FHIT: variants seen among roughly 807,000 people sequenced by gnomAD.
FHIT encodes bis(5'-adenosyl)-triphosphatase.
A neutral mutation model predicts 17.9 loss-of-function variants in FHIT; 19 were observed. The ratio of observed to expected loss-of-function variants is 1.06; its 90% confidence interval spans 0.74 to 1.56. FHIT has a LOEUF of 1.56. Among genes scored for constraint, FHIT ranks in the 40% most tolerant of loss-of-function variants. The probability of loss-of-function intolerance (pLI) is 0.00; values close to 1 mark genes in which losing one functional copy is unlikely to be tolerated. For synonymous variants in FHIT, 81 were observed against 69.7 expected, an observed-to-expected ratio of 1.16 and a Z score of -0.81; for missense variants, 248 against 189.2, an observed-to-expected ratio of 1.31 and a Z score of -1.82.
At chr3:61,068,097 C>T (rs2034674607) in intron 2 of FHIT, among the ~76,000 whole-genome samples, 1 of 152,038 alleles carries the variant, frequency 6.6e-6, no homozygotes, top group South Asian at 2.1e-4. Context: ...AGTAATTTAC[C>T]AGGTGTATTA....
chr3:60,209,251 A>G (rs213324), intron 5 of FHIT, among the ~76,000 whole-genome samples: 31,818 of 152,098 alleles, frequency 0.21, 3,681 homozygotes, highest in Middle Eastern at 0.28. Context: ...TTAGTTTAGT[A>G]TAAAGCCACA....
chr3:60,868,505 C>T (rs74999210), intron 3 of FHIT, among the ~76,000 whole-genome samples: 3 of 152,078 alleles, frequency 2.0e-5, no homozygotes, highest in Non-Finnish European at 4.4e-5. Context: ...TTTGAAACAA[C>T]CAATAAGAAT....
intron 4 of FHIT, among the ~76,000 whole-genome samples, chr3:60,786,862 A>T (rs530972449): frequency 1.3e-5 from 2 of 152,254 alleles, no homozygotes; most frequent in East Asian, 3.9e-4. Flanking sequence ...TCCATATATG[A>T]CTAAATCTGA....
chr3:60,101,775 A>T (rs1704201074), intron 5 of FHIT, among the ~76,000 whole-genome samples: 2 of 152,142 alleles, frequency 1.3e-5, no homozygotes, highest in South Asian at 4.1e-4. Flanking sequence ...AAGGTCTGTC[A>T]TTACCTGGGC....
chr3:60,799,951 C>T (rs961682227), intron 4 of FHIT, among the ~76,000 whole-genome samples: 10 of 152,120 alleles, frequency 6.6e-5, no homozygotes, highest in Non-Finnish European at 1.5e-4. Context: ...CATACATACT[C>T]AAAAGATAGT....
At chr3:60,656,568 A>G (rs2040121049) in intron 4 of FHIT, among the ~76,000 whole-genome samples, 1 of 152,230 alleles carries the variant, frequency 6.6e-6, no homozygotes, top group East Asian at 1.9e-4. Flanking sequence ...CAAACTTGTC[A>G]AGCGCTCAAT....
chr3:60,602,411 G>A (rs955321969), intron 4 of FHIT, among the ~76,000 whole-genome samples: 6 of 152,094 alleles, frequency 3.9e-5, no homozygotes, highest in Non-Finnish European at 5.9e-5. Context: ...ACCCAAGAAT[G>A]TCCTATCAGC....
rs116718555 is a variant in FHIT, at chr3:60,992,526, C to T, written c.-111+49521G>A. Reference sequence around the variant, plus strand: ...AGGAGCCAGTTAATTTCCAAAGCTACTTCCCGTTTCTAAGTTAAACAGCTC... The same window carrying T: ...AGGAGCCAGTTAATTTCCAAAGCTATTTCCCGTTTCTAAGTTAAACAGCTC... On this transcript the variant is annotated intron_variant, in intron 3 of 9. Transcript: ENST00000492590. 4.9e-3 allele frequency among the ~76,000 whole-genome samples: 749 copies of T among 152,292 alleles called. 5 individuals are homozygous for T. The highest frequency in any genetic ancestry group is 0.018 in the African/African-American group (730 of 41,556).
intron 7 of FHIT, among the ~76,000 whole-genome samples, chr3:59,983,267 G>A (rs1372143110): frequency 6.6e-6 from 1 of 152,090 alleles, no homozygotes; most frequent in Non-Finnish European, 1.5e-5. Flanking sequence ...ACAAAAAGAA[G>A]GGGTATATTT....
intron 4 of FHIT, among the ~76,000 whole-genome samples, chr3:60,723,446 ACCTGCTT>A (rs2041852862): frequency 6.6e-6 from 1 of 152,134 alleles, no homozygotes; most frequent in Non-Finnish European, 1.5e-5. Context: ...TATGCTGAAC[ACCTGCTT>A]TCCTTCTGGG....
At chr3:60,912,028 G>A (rs1219831435) in intron 3 of FHIT, among the ~76,000 whole-genome samples, 7 of 144,062 alleles carry the variant, frequency 4.9e-5, no homozygotes, top group South Asian at 2.2e-4. Context: ...AGGTGTTTCC[G>A]CCTCTGCCTT....
Position 60,133,697 on chromosome 3 carries a change from A to T in FHIT, c.104-119545T>A, listed in dbSNP as rs908520807. ...AGCACAACCCATTCACATACTGGGCAGAGCCCTTCCAATGTTAACCTCTGC... is the reference window on the plus strand; with the variant it reads ...AGCACAACCCATTCACATACTGGGCTGAGCCCTTCCAATGTTAACCTCTGC... On this transcript the variant is annotated intron_variant, in intron 5 of 9. Transcript: ENST00000492590. 7.9e-5 allele frequency among the ~76,000 whole-genome samples: 12 copies of T among 151,316 alleles called. No homozygotes were observed. In the East Asian group the frequency reaches 2.3e-3, roughly 29 times the overall value.
intron 4 of FHIT, among the ~76,000 whole-genome samples, chr3:60,612,233 A>G (rs1340223400): frequency 1.3e-5 from 2 of 152,142 alleles, no homozygotes; most frequent in Admixed American, 1.3e-4. Context: ...AACTCTCAAT[A>G]AGTCACATAT....
intron 5 of FHIT, among the ~76,000 whole-genome samples, chr3:60,362,493 A>G (rs946422547): frequency 6.6e-6 from 1 of 152,180 alleles, no homozygotes; most frequent in Non-Finnish European, 1.5e-5. Context: ...GCATGACACC[A>G]CTAGGTATGA....
chr3:60,497,110 A>T (rs1245266278), intron 5 of FHIT, among the ~76,000 whole-genome samples: 2 of 151,926 alleles, frequency 1.3e-5, no homozygotes, highest in Non-Finnish European at 2.9e-5. Flanking sequence ...TGTTATTCAC[A>T]ACTAGGAGGG....
At chr3:61,112,077 A>G (rs1488743801) in intron 2 of FHIT, among the ~76,000 whole-genome samples, 3 of 152,164 alleles carry the variant, frequency 2.0e-5, no homozygotes, top group Admixed American at 1.3e-4. Context: ...ACTTGCTTCA[A>G]GTTAACAGCT....
At chr3:60,380,769 C>G (rs1700765277) in intron 5 of FHIT, among the ~76,000 whole-genome samples, 1 of 152,098 alleles carries the variant, frequency 6.6e-6, no homozygotes, top group Non-Finnish European at 1.5e-5. Context: ...GCATTTTGAC[C>G]CGGTAAGGCA....
At chr3:61,049,792 C>T (rs6446182) in intron 2 of FHIT, among the ~76,000 whole-genome samples, 110,351 of 152,034 alleles carry the variant, frequency 0.73, 41,857 homozygotes, top group East Asian at 0.99. Flanking sequence ...CACCTTCTGC[C>T]GTTCTCTCCT....
intron 8 of FHIT, among the ~76,000 whole-genome samples, chr3:59,826,450 C>T (rs1162154957): frequency 1.3e-5 from 2 of 152,184 alleles, no homozygotes; most frequent in African/African-American, 4.8e-5. Context: ...ACTATGTTTA[C>T]AGTTTGTTTA....
Sources: allele counts gnomAD v4.1 joint callset (sites outside exome capture counted in the v4.1 genomes callset), GRCh38; gene constraint gnomAD v4.1.1; transcripts MANE v1.5; gene names NCBI Gene and HGNC (gene_info 2026-07-23, HGNC 2026-07-21).